KRT33B: variants seen among roughly 807,000 people sequenced by gnomAD.
KRT33B encodes the protein keratin 33B.
In KRT33B, 37 loss-of-function variants were observed where a neutral mutation model predicts 42.7. That is an observed-to-expected ratio of 0.87 (90% CI 0.67 to 1.14). The LOEUF (loss-of-function observed/expected upper bound fraction) is 1.14. Ranked by LOEUF, KRT33B falls within the 50% of genes most tolerant of loss-of-function variation. The pLI is 0.00. For missense variants in KRT33B, 523 were observed against 515.1 expected, an observed-to-expected ratio of 1.02 and a Z score of -0.15; for synonymous variants, 237 against 221.2, an observed-to-expected ratio of 1.07 and a Z score of -0.63.
At chr17:41,364,752 C>T in intron 6 of KRT33B, 27 bp downstream of exon 6, 1 of 1,611,854 alleles carries the variant, frequency 6.2e-7, no homozygotes, top group South Asian at 1.1e-5. Context: ...CTGTCCCTTG[C>T]AGGGGTGCCG....
chr17:41,366,533 G>A lies in KRT33B; in HGVS notation c.525C>T (p.Asp175=), dbSNP rs146126981. The A allele has an allele frequency of 2.5e-6, 4 of 1,612,650 alleles. No individual in the cohort carries two copies. Among genetic ancestry groups the A allele is most frequent in the African/African-American group, 1.4e-5 (1 of 73,672 alleles). The part of the protein sequence containing the change: ...ILDELTLCRS[D]LEAQMESLKE... ...TCAGGGACTCCATCTGGGCCTCCAG[G>A]TCAGACCTGCACAGGGTCAGCTCAT... The change falls in exon 3 of 7, where the codon GAC becomes GAT. Residue 175 remains aspartate, a synonymous_variant. Transcript: ENST00000251646.
rs756096901 is a variant in KRT33B at position 41,363,820 on chromosome 17, G to T, written c.*16C>A. On this transcript the variant is annotated 3_prime_UTR_variant, in exon 7 of 7. Coordinates refer to ENST00000251646, the MANE Select transcript of KRT33B (RefSeq NM_002279.5). Reference sequence around the variant, plus strand: ...AGTTCTGTCTTCATGCTATACTTCTGCTGGCCCCAGGGTATCTAGTACCCA... The same window carrying T: ...AGTTCTGTCTTCATGCTATACTTCTTCTGGCCCCAGGGTATCTAGTACCCA... 3.3e-5 allele frequency: 50 copies of T among 1,535,130 alleles called. No individual in the cohort carries two copies. Among genetic ancestry groups the T allele is most frequent in the Non-Finnish European group, 4.1e-5 (46 of 1,116,078 alleles).
Position 41,363,758 on chromosome 17 carries a change from A to T in KRT33B, c.*78T>A, listed in dbSNP as rs1460972203. The stretch of plus-strand genomic sequence containing the variant: ...GCCTCGGGGTGGGGTCCGGTGGCTG[A>T]TGGTTGTCAGAGAGGCAGAACTGGC... On this transcript the variant is annotated 3_prime_UTR_variant, in exon 7 of 7. Coordinates refer to ENST00000251646, the MANE Select transcript of KRT33B (RefSeq NM_002279.5). The T allele has an allele frequency of 3.3e-5, 32 of 961,880 alleles. No individual in the cohort carries two copies. The highest frequency in any genetic ancestry group is 1.3e-5 in the Non-Finnish European group (8 of 615,360). The allele number at this position is 961,880 out of a possible 1,614,324, so 59.6% of individuals were successfully genotyped here.
rs1174628416 is a variant in KRT33B at position 41,365,545 on chromosome 17, G to A, written c.597C>T (p.Asn199=). 6.2e-7 allele frequency: 1 copy of A among 1,610,180 alleles called. No homozygotes were observed. Among genetic ancestry groups the A allele is most frequent in the Non-Finnish European group, 8.5e-7 (1 of 1,179,440 alleles). ...SLKQNHEQEV[N]TLRCQLGDRL... is the part of the protein sequence containing the mutation. ...GGTCTCCAAGCTGGCAGCGCAAGGT[G>A]TTGACTTCCTAATGGAGAAAAGGGA... The change falls in exon 4 of 7, where the codon AAC becomes AAT. Residue 199 remains asparagine (N), a synonymous_variant. Transcript: ENST00000251646.
chr17:41,367,907 CT>C lies in KRT33B; in HGVS notation c.431del (p.Lys144SerfsTer26). On this transcript the variant is annotated frameshift_variant and splice_region_variant, in exon 2 of 7. Coordinates refer to ENST00000251646, the MANE Select transcript of KRT33B (RefSeq NM_002279.5). LOFTEE classifies it high-confidence loss of function. ...TGCTCTGATGGTTAGGAAAATCTTA[CT>C]TGGTTCTGAAGTCATCTGCAGCCAG... ...AKLAADDFRT[K>X]YQTEQSLRQL... is the part of the protein sequence containing the mutation. 6.2e-7 allele frequency: 1 copy of C among 1,612,638 alleles called. No individual in the cohort carries two copies. The highest frequency in any genetic ancestry group is 8.5e-7 in the Non-Finnish European group (1 of 1,179,872).
Position 41,365,503 on chromosome 17 carries a change from C to A in KRT33B, c.639G>T (p.Val213=). 1 of 1,612,966 alleles carries A rather than the reference C, an allele frequency of 6.2e-7. No homozygotes were observed. The highest frequency in any genetic ancestry group is 8.5e-7 in the Non-Finnish European group (1 of 1,180,006). Reference sequence around the variant, plus strand: ...TCAGGTCCACAGCGGGAGCAGCGTCCACCTCCACGTTGAGGCGGTCTCCAA... The same window carrying A: ...TCAGGTCCACAGCGGGAGCAGCGTCAACCTCCACGTTGAGGCGGTCTCCAA... The part of the protein sequence containing the change: ...CQLGDRLNVE[V]DAAPAVDLNQ... Residue 213 remains valine (V), a synonymous_variant, in exon 4 of 7, where the codon GTG becomes GTT. Transcript: ENST00000251646.
rs1487306550 is a variant in KRT33B at position 41,365,560 on chromosome 17, G to A, written c.589-7C>T. 3.1e-6 allele frequency: 5 copies of A among 1,608,212 alleles called. No homozygotes were observed. The highest frequency in any genetic ancestry group is 3.4e-6 in the Non-Finnish European group (4 of 1,178,960). On this transcript the variant is annotated splice_region_variant and splice_polypyrimidine_tract_variant and intron_variant, in intron 3 of 6. Coordinates refer to ENST00000251646, the MANE Select transcript of KRT33B (RefSeq NM_002279.5). ...AGCGCAAGGTGTTGACTTCCTAATG[G>A]AGAAAAGGGAAGAAATAAACCCACA... is the stretch of plus-strand genomic sequence containing the variant.
At chr17:41,369,160 G>A (rs770050930) in intron 1 of KRT33B, among the ~76,000 whole-genome samples, 1 of 151,166 alleles carries the variant, frequency 6.6e-6, no homozygotes, top group Non-Finnish European at 1.5e-5. Context: ...GGAGTAAGAC[G>A]CCATATAAGA....
chr17:41,363,511 G>T lies in KRT33B; in HGVS notation c.*325C>A. The T allele has an allele frequency of 4.1e-6, 1 of 243,422 alleles. No homozygotes were observed. The highest frequency in any genetic ancestry group is 7.8e-6 in the Non-Finnish European group (1 of 128,146). The allele number at this position is 243,422 out of a possible 1,614,324, so 15.1% of individuals were successfully genotyped here. ...GAGAATCATGTCTGCTTTGCAAGAGGAAAGTTTATTAGGCGATTTGGGGAA... is the reference window on the plus strand; with the variant it reads ...GAGAATCATGTCTGCTTTGCAAGAGTAAAGTTTATTAGGCGATTTGGGGAA... On this transcript the variant is annotated 3_prime_UTR_variant, in exon 7 of 7. Transcript: ENST00000251646.
intron 1 of KRT33B, among the ~76,000 whole-genome samples, chr17:41,369,112 G>T (rs1385416093): frequency 1.3e-5 from 2 of 151,284 alleles, no homozygotes; most frequent in African/African-American, 2.5e-5. Flanking sequence ...CAAAACCAGG[G>T]TATCATAATC....
intron 3 of KRT33B, 109 bp downstream of exon 3, chr17:41,366,361 G>T: frequency 7.7e-7 from 1 of 1,303,278 alleles, no homozygotes; most frequent in Non-Finnish European, 1.1e-6. Context: ...TGAGCAACCA[G>T]CAAAATGTTG....
rs2017680608 is a variant in KRT33B at position 41,365,177 on chromosome 17, G to C, written c.874C>G (p.Leu292Val). ...CAGCAGGTCTGAACAATACACACCA[G>C]GTTGTGCTGGGCCTGCAGCTCGATC... ...LEIELQAQHN[L>V]RYSLENTLTE... is the part of the protein sequence containing the mutation. The change falls in exon 5 of 7, where the codon CTG (leucine) becomes GTG (valine). Residue 292 changes from leucine to valine, a missense_variant and splice_region_variant. Physicochemically the swap from Leu to Val is conservative, Grantham distance 32. Coordinates refer to ENST00000251646, the MANE Select transcript of KRT33B (RefSeq NM_002279.5). The C allele has an allele frequency of 6.2e-7, 1 of 1,611,608 alleles. No individual in the cohort carries two copies.
chr17:41,367,834 A>C (rs1249660025), intron 2 of KRT33B, 74 bp downstream of exon 2: 12 of 1,335,072 alleles, frequency 9.0e-6, no homozygotes, highest in Non-Finnish European at 1.3e-5. Context: ...TCCACATTCC[A>C]GGATAGGGAG....
intron 3 of KRT33B, among the ~76,000 whole-genome samples, chr17:41,365,816 T>C (rs1372481250): frequency 1.3e-5 from 2 of 151,392 alleles, no homozygotes; most frequent in Non-Finnish European, 2.9e-5. Context: ...CTTTGCTCAG[T>C]GATAAGCCTG....
Position 41,369,573 on chromosome 17 carries a change from T to C in KRT33B, c.178A>G (p.Met60Val), listed in dbSNP as rs757814605. 6.2e-6 allele frequency: 10 copies of C among 1,613,680 alleles called. No homozygotes were observed. The African/African-American group carries it at 6.7e-5, about 11-fold the overall frequency. ...GCCAGGCGGTCGTTCAGGAACTGCA[T>C]AGTCTCCTTCTCGCTGCCATTGAAG... ...GSFNGSEKET[M>V]QFLNDRLASY... The change falls in exon 1 of 7, where the codon ATG becomes GTG. Residue 60 changes from methionine (M) to valine (V), a missense_variant. By Grantham distance (21) the Met-to-Val change is conservative (BLOSUM62 1). Coordinates refer to ENST00000251646, the MANE Select transcript of KRT33B (RefSeq NM_002279.5).
chr17:41,366,570 C>A lies in KRT33B; in HGVS notation c.488G>T (p.Arg163Leu). ...QLVESDINSL[R>L]RILDELTLCR... is the part of the protein sequence containing the mutation. The stretch of plus-strand genomic sequence containing the variant: ...CAGGGTCAGCTCATCCAGAATCCTG[C>A]GCAGGCTGTTGATGTCGGACTCCAC... Residue 163 changes from arginine to leucine, a missense_variant, in exon 3 of 7, where the codon CGC (arginine) becomes CTC (leucine). Arg to Leu is a moderately radical substitution (Grantham distance 102, BLOSUM62 -2). Coordinates refer to ENST00000251646, the MANE Select transcript of KRT33B (RefSeq NM_002279.5). The A allele has an allele frequency of 6.2e-7, 1 of 1,612,408 alleles. No individual in the cohort carries two copies. The highest frequency in any genetic ancestry group is 8.5e-7 in the Non-Finnish European group (1 of 1,179,990).
chr17:41,365,054 A>G lies in KRT33B; in HGVS notation c.877-55T>C, dbSNP rs2017677954. On this transcript the variant is annotated intron_variant, in intron 5 of 6. Transcript: ENST00000251646. ...GAGCTGCTCCTTATAGGGTTCCTCC[A>G]TGGGGTTCGAAAAAACTCACAAGCT... is the stretch of plus-strand genomic sequence containing the variant. The G allele has an allele frequency of 3.1e-6, 5 of 1,609,332 alleles. No homozygotes were observed. The South Asian group carries it at 3.3e-5, about 11-fold the overall frequency.
At position 41,369,726 on chromosome 17, in the gene KRT33B, T is replaced by TGGGC. The variant is rs757676239; in HGVS notation, c.21_24dup (p.Ser9AlafsTer104). ...GAGCAGCTGGTGCGGCAGCTCAGGC[T>TGGGC]GGGCAGGCAGAAGTTGTAGGGCATG... On this transcript the variant is annotated frameshift_variant, in exon 1 of 7. Coordinates refer to ENST00000251646, the MANE Select transcript of KRT33B (RefSeq NM_002279.5). LOFTEE classifies it high-confidence loss of function. The TGGGC allele has an allele frequency of 6.2e-7, 1 of 1,613,724 alleles. No homozygotes were observed. Among genetic ancestry groups the TGGGC allele is most frequent in the African/African-American group, 1.3e-5 (1 of 75,040 alleles).
intron 2 of KRT33B, 104 bp downstream of exon 2, chr17:41,367,804 T>C: frequency 1.0e-6 from 1 of 977,858 alleles, no homozygotes; most frequent in Non-Finnish European, 1.6e-6. Flanking sequence ...GCAAGAATCC[T>C]CCCAATAGAA....
Sources: allele counts gnomAD v4.1 joint callset (sites outside exome capture counted in the v4.1 genomes callset), GRCh38; gene constraint gnomAD v4.1.1; transcripts MANE v1.5; gene names NCBI Gene and HGNC (gene_info 2026-07-23, HGNC 2026-07-21).